The following MAGI2 variants were observed in gnomAD, a reference collection of about 807,000 sequenced individuals.
The protein encoded by MAGI2 is membrane associated guanylate kinase, WW and PDZ domain containing 2.
A neutral mutation model predicts 133.3 loss-of-function variants in MAGI2; 35 were observed. That is an observed-to-expected ratio of 0.26 (90% confidence interval 0.20 to 0.35). The LOEUF is 0.35. Among genes scored for constraint, MAGI2 ranks in the 10% least tolerant of loss-of-function variants. MAGI2 has a pLI of 1.00. For missense variants in MAGI2, 1,636 were observed against 1,863.4 expected, an observed-to-expected ratio of 0.88 and a Z score of 2.25; for synonymous variants, 729 against 710.6, an observed-to-expected ratio of 1.03 and a Z score of -0.41.
At chr7:79,212,403 G>C (rs914164046) in intron 1 of MAGI2, among the ~76,000 whole-genome samples, 1 of 152,096 alleles carries the variant, frequency 6.6e-6, no homozygotes, top group Non-Finnish European at 1.5e-5. Flanking sequence ...ACATTTTAAA[G>C]TTTAAAAGAT....
intron 10 of MAGI2, among the ~76,000 whole-genome samples, chr7:78,206,489 C>T (rs1829759175): frequency 6.6e-6 from 1 of 151,956 alleles, no homozygotes; most frequent in African/African-American, 2.4e-5. Flanking sequence ...GATGGGGTTT[C>T]ACCATATTGG....
At chr7:78,358,035 G>A (rs911566195) in intron 7 of MAGI2, among the ~76,000 whole-genome samples, 4 of 150,174 alleles carry the variant, frequency 2.7e-5, no homozygotes, top group Non-Finnish European at 5.9e-5. Context: ...CCTTTCAAAT[G>A]TGTTCAGCTT....
Position 78,185,662 on chromosome 7 carries a change from G to C in MAGI2, c.2278C>G (p.Pro760Ala). ...TCCATTCGAAAACTGGTCCTGGGTG[G>C]CACTTGTTCTGGATGGGAAAATGGG... ...RAIYESRQQV[P>A]PRTSFRMDSS... Residue 760 changes from proline to alanine, a missense_variant, in exon 13 of 22, where the codon CCA becomes GCA. Around this residue, in one of 5 missense-constraint regions of MAGI2, gnomAD observed 920 missense variants for 1,093.5 expected, o/e 0.84. Transcript: ENST00000354212. 1 of 1,582,452 alleles carries C rather than the reference G, an allele frequency of 6.3e-7. No individual in the cohort carries two copies. The highest frequency in any genetic ancestry group is 1.2e-5 in the South Asian group (1 of 86,332).
At chr7:79,152,986 A>G (rs1052385758) in intron 1 of MAGI2, among the ~76,000 whole-genome samples, 12 of 152,224 alleles carry the variant, frequency 7.9e-5, no homozygotes, top group African/African-American at 2.7e-4. Context: ...TTTCTATTTT[A>G]TTAATTTTGG....
At chr7:78,070,414 G>GTA (rs1202414405) in intron 21 of MAGI2, among the ~76,000 whole-genome samples, 36 of 146,114 alleles carry the variant, frequency 2.5e-4, no homozygotes, top group East Asian at 2.0e-3. Flanking sequence ...CTATGTGTGT[G>GTA]TGTATATATA....
chr7:78,511,776 TA>T (rs71517022), intron 4 of MAGI2, among the ~76,000 whole-genome samples: 32,089 of 149,306 alleles, frequency 0.21, 3,801 homozygotes, highest in Non-Finnish European at 0.27. Context: ...TTCTAAGTGC[TA>T]AAAAAAAATT....
intron 6 of MAGI2, among the ~76,000 whole-genome samples, chr7:78,473,173 G>A (rs569418734): frequency 6.6e-6 from 1 of 152,236 alleles, no homozygotes; most frequent in East Asian, 1.9e-4. Flanking sequence ...CAAGATCACA[G>A]AGCCCATAAA....
Position 78,232,748 on chromosome 7 carries a change from T to C in MAGI2, c.2047+23195A>G, listed in dbSNP as rs115891583. ...GAAAATGTGAGGTGCTGGGACAGTC[T>C]TTCTGGAAGAAGTAATGTCTGACCT... On this transcript the variant is annotated intron_variant, in intron 10 of 21. Transcript: ENST00000354212. Among the ~76,000 whole-genome samples, 1,374 of 152,306 alleles carry C rather than the reference T, an allele frequency of 9.0e-3. 18 individuals carry two copies. The highest frequency in any genetic ancestry group is 0.032 in the African/African-American group (1,320 of 41,566).
chr7:78,288,639 G>C (rs1356892262), intron 9 of MAGI2, among the ~76,000 whole-genome samples: 1 of 152,168 alleles, frequency 6.6e-6, no homozygotes, highest in Non-Finnish European at 1.5e-5. Context: ...CTGAGACTGG[G>C]CAGACTGCCT....
At chr7:78,963,696 C>T (rs1036803972) in intron 2 of MAGI2, among the ~76,000 whole-genome samples, 8 of 151,754 alleles carry the variant, frequency 5.3e-5, no homozygotes, top group Admixed American at 2.0e-4. Flanking sequence ...TAATGCAAGA[C>T]GCTCCATATA....
chr7:78,991,193 A>C (rs1488320559), intron 2 of MAGI2, among the ~76,000 whole-genome samples: 1 of 151,774 alleles, frequency 6.6e-6, no homozygotes, highest in Non-Finnish European at 1.5e-5. Flanking sequence ...TTCCACCGTG[A>C]TTGTAAGTTT....
chr7:78,085,745 G>A (rs80184556), intron 20 of MAGI2, among the ~76,000 whole-genome samples: 5,276 of 152,170 alleles, frequency 0.035, 110 homozygotes, highest in East Asian at 0.065. Flanking sequence ...AAAGGTGAGG[G>A]GAAAAAGCTG....
chr7:78,119,746 C>G (rs1820244011), intron 20 of MAGI2, among the ~76,000 whole-genome samples: 1 of 151,902 alleles, frequency 6.6e-6, no homozygotes, highest in Non-Finnish European at 1.5e-5. Flanking sequence ...TAAGGAAAAT[C>G]TCTGCACCTT....
At chr7:79,400,806 G>C (rs903980444) in intron 1 of MAGI2, among the ~76,000 whole-genome samples, 1 of 152,008 alleles carries the variant, frequency 6.6e-6, no homozygotes, top group African/African-American at 2.4e-5. Context: ...ACATACTGTA[G>C]TTATATAGTA....
chr7:78,887,298 A>T (rs571772682), intron 2 of MAGI2, among the ~76,000 whole-genome samples: 2 of 152,308 alleles, frequency 1.3e-5, no homozygotes, highest in African/African-American at 4.8e-5. Flanking sequence ...TTCTTTAAAC[A>T]TTCTTTTTAT....
At chr7:78,372,764 C>A (rs779035015) in intron 6 of MAGI2, among the ~76,000 whole-genome samples, 1 of 152,094 alleles carries the variant, frequency 6.6e-6, no homozygotes, top group Non-Finnish European at 1.5e-5. Context: ...CCTAGCTTTG[C>A]CTGGATTCTG....
At chr7:78,670,138 G>C (rs1392121764) in intron 2 of MAGI2, among the ~76,000 whole-genome samples, 4 of 151,868 alleles carry the variant, frequency 2.6e-5, no homozygotes, top group African/African-American at 9.7e-5. Flanking sequence ...AATTGTCCCT[G>C]TTTGCAGATG....
At chr7:78,460,121 GC>G (rs1378910160) in intron 6 of MAGI2, among the ~76,000 whole-genome samples, 3 of 152,154 alleles carry the variant, frequency 2.0e-5, no homozygotes, top group African/African-American at 7.2e-5. Context: ...ATGTGATATG[GC>G]ATCATGTGAT....
At chr7:78,162,511 C>T (rs142889442) in intron 15 of MAGI2, among the ~76,000 whole-genome samples, 7 of 135,716 alleles carry the variant, frequency 5.2e-5, no homozygotes, top group East Asian at 2.1e-4. Flanking sequence ...GGCGACAGAG[C>T]GAGACTCTGC....
Sources: allele counts gnomAD v4.1 joint callset (sites outside exome capture counted in the v4.1 genomes callset), GRCh38; gene constraint gnomAD v4.1.1; regional missense constraint gnomAD v4.1.1; transcripts MANE v1.5; gene names NCBI Gene and HGNC (gene_info 2026-07-23, HGNC 2026-07-21).